SMG1: variants seen among roughly 807,000 people sequenced by gnomAD.
SMG1 encodes the protein serine/threonine-protein kinase SMG1.
A neutral mutation model predicts 419.9 loss-of-function variants in SMG1; 22 were observed. That is an observed-to-expected ratio of 0.05 (90% CI 0.04 to 0.07). The LOEUF is 0.07. SMG1 is among the 10% of genes least tolerant of loss of function. SMG1 has a pLI of 1.00. For synonymous variants in SMG1, 1,538 were observed against 1,553.5 expected (o/e 0.99, Z 0.23); for missense variants, 3,185 against 4,342.0 (o/e 0.73, Z 7.49).
chr16:18,837,550 G>T lies in SMG1; in HGVS notation c.7414-107C>A, dbSNP rs548244330. Reference sequence around the variant, plus strand: ...TCCTACTTAAATCTCTACAAAACCCGAAAGGGGTGATGCGTTGCCTCCACT... The same window carrying T: ...TCCTACTTAAATCTCTACAAAACCCTAAAGGGGTGATGCGTTGCCTCCACT... On this transcript the variant is annotated intron_variant, in intron 45 of 62. Coordinates refer to ENST00000446231, the MANE Select transcript of SMG1 (RefSeq NM_015092.5). The T allele has an allele frequency of 5.1e-4, 480 of 937,156 alleles. 2 individuals are homozygous for T. Among genetic ancestry groups the T allele is most frequent in the South Asian group, 1.2e-3 (72 of 58,604 alleles). The allele number at this position is 937,156 out of a possible 1,614,324, so 58.1% of individuals were successfully genotyped here.
chr16:18,835,688 G>A (rs1328974029), intron 48 of SMG1, among the ~76,000 whole-genome samples: 7 of 152,116 alleles, frequency 4.6e-5, no homozygotes, highest in Admixed American at 3.9e-4. Flanking sequence ...GGCAGATCAC[G>A]TGGTCAGGAG....
intron 38 of SMG1, among the ~76,000 whole-genome samples, chr16:18,846,443 C>T (rs1475994426): frequency 6.6e-6 from 1 of 152,098 alleles, no homozygotes; most frequent in East Asian, 1.9e-4. Context: ...AGACAACCCA[C>T]AGAATGGCAG....
intron 1 of SMG1, among the ~76,000 whole-genome samples, chr16:18,899,455 T>C (rs1455167909): frequency 6.6e-6 from 1 of 152,096 alleles, no homozygotes; most frequent in African/African-American, 2.4e-5. Context: ...TTAATACAAA[T>C]TGATCAAAGC....
intron 27 of SMG1, 62 bp downstream of exon 27, chr16:18,859,494 C>A (rs2035096556): frequency 1.3e-6 from 1 of 761,686 alleles, no homozygotes; most frequent in Admixed American, 2.7e-5. Flanking sequence ...CCCTCTTCAC[C>A]CCATGTATGT....
chr16:18,920,306 TG>T (rs2038146727), intron 1 of SMG1, among the ~76,000 whole-genome samples: 3 of 146,730 alleles, frequency 2.0e-5, no homozygotes, highest in Admixed American at 7.0e-5. Context: ...CGCTTGTACC[TG>T]GGAGGTGGAG....
Position 18,926,166 on chromosome 16 carries a change from A to T in SMG1, c.-125T>A, listed in dbSNP as rs972311056. ...GAGGAGGAAGCCGAGAAGGAGGAGG[A>T]GGAGGAGGAGGAGGAGAAGGAGGAG... On this transcript the variant is annotated 5_prime_UTR_variant, in exon 1 of 63. Transcript: ENST00000446231. 7 of 746,960 alleles carry T rather than the reference A, an allele frequency of 9.4e-6. No individual in the cohort carries two copies. The highest frequency in any genetic ancestry group is 3.3e-5 in the Admixed American group (1 of 30,270). The allele number at this position is 746,960 out of a possible 1,614,324, so 46.3% of individuals were successfully genotyped here.
At chr16:18,870,166 C>G (rs1191066148) in intron 18 of SMG1, among the ~76,000 whole-genome samples, 172 bp from the exon 19 acceptor site, 2 of 151,998 alleles carry the variant, frequency 1.3e-5, no homozygotes, top group Non-Finnish European at 2.9e-5. Flanking sequence ...TTTTTATTCA[C>G]CTCAGATGGG....
chr16:18,838,482 C>A lies in SMG1; in HGVS notation c.7085-16G>T, dbSNP rs780239863. 1.2e-6 allele frequency: 2 copies of A among 1,613,842 alleles called. No individual in the cohort carries two copies. The highest frequency in any genetic ancestry group is 2.2e-5 in the South Asian group (2 of 91,084). On this transcript the variant is annotated splice_polypyrimidine_tract_variant and intron_variant, in intron 43 of 62. Coordinates refer to ENST00000446231, the MANE Select transcript of SMG1 (RefSeq NM_015092.5). ...AGGCTTTTACCTTGAAAAGACAAATCATTATATTTTTGCCCTTTCACCAAA... is the reference window on the plus strand; with the variant it reads ...AGGCTTTTACCTTGAAAAGACAAATAATTATATTTTTGCCCTTTCACCAAA...
rs1280086944 is a variant in SMG1, at chr16:18,868,313, C to G, written c.3072G>C (p.Gln1024His). ...TFFYTNRQTC[Q>H]DWLTRIRLSI... Reference sequence around the variant, plus strand: ...AGAGTCGAATCCGCGTTAGCCAGTCCTGACAAGTTTGGCGATTGGTATAGA... The same window carrying G: ...AGAGTCGAATCCGCGTTAGCCAGTCGTGACAAGTTTGGCGATTGGTATAGA... The change falls in exon 22 of 63, where the codon CAG (glutamine) becomes CAC (histidine). Residue 1024 changes from glutamine (Q) to histidine (H), a missense_variant. By Grantham distance (24) the Gln-to-His change is conservative. Transcript: ENST00000446231. 1 of 1,485,208 alleles carries G rather than the reference C, an allele frequency of 6.7e-7. No individual in the cohort carries two copies. The highest frequency in any genetic ancestry group is 2.0e-5 in the Admixed American group (1 of 51,162). 92.0% of individuals were successfully genotyped at this position (1,485,208 alleles called of 1,614,324 possible).
intron 13 of SMG1, among the ~76,000 whole-genome samples, chr16:18,874,016 G>A (rs1187964077): frequency 6.6e-6 from 1 of 152,232 alleles, no homozygotes; most frequent in Admixed American, 6.5e-5. Flanking sequence ...AAGCGAAGCA[G>A]CTATGGAATT....
chr16:18,903,586 G>A (rs2037433833), intron 1 of SMG1, among the ~76,000 whole-genome samples: 1 of 152,180 alleles, frequency 6.6e-6, no homozygotes, highest in Admixed American at 6.5e-5. Context: ...CCTAACAAGA[G>A]CTAGTGGGCA....
Position 18,847,567 on chromosome 16 carries a change from A to G in SMG1, c.5882T>C (p.Leu1961Pro). The G allele has an allele frequency of 6.2e-7, 1 of 1,614,018 alleles. No individual in the cohort carries two copies. The highest frequency in any genetic ancestry group is 8.5e-7 in the Non-Finnish European group (1 of 1,179,898). Residue 1961 changes from leucine (L) to proline (P), a missense_variant, in exon 38 of 63, where the codon CTC becomes CCC. Transcript: ENST00000446231. ...LVAELRRVTVLWDELWLGVLL... is the reference protein window; with the variant it reads ...LVAELRRVTVPWDELWLGVLL... ...AACTCCCAGCCAGAGCTCATCCCAG[A>G]GCACAGTGACCCTGCGCAGTTCAGC...
chr16:18,912,197 T>G (rs557405261), intron 1 of SMG1, among the ~76,000 whole-genome samples: 8 of 151,724 alleles, frequency 5.3e-5, no homozygotes, highest in Admixed American at 2.0e-4. Flanking sequence ...ATTTTTTTTT[T>G]TTTTGAAAAA....
chr16:18,846,524 C>T (rs960721696), intron 38 of SMG1, among the ~76,000 whole-genome samples: 4 of 151,934 alleles, frequency 2.6e-5, no homozygotes, highest in Admixed American at 2.0e-4. Flanking sequence ...TACAATTCAA[C>T]AATAAAAAAA....
At position 18,887,389 on chromosome 16, in the gene SMG1, G is replaced by C. The variant is rs141551040; in HGVS notation, c.823-1723C>G. On this transcript the variant is annotated intron_variant, in intron 6 of 62. Transcript: ENST00000446231. ...TTTTGAGATAGGGTTGCCTATAATG[G>C]AGTGCAGTAGCTTGACCATAGCTCA... Among the ~76,000 whole-genome samples the C allele has an allele frequency of 2.2e-3, 337 of 151,888 alleles. 1 individual carries two copies. The highest frequency in any genetic ancestry group is 0.01 in the Middle Eastern group (3 of 294).
At chr16:18,860,882 A>G in intron 25 of SMG1, 106 bp from the exon 26 acceptor site, 2 of 547,264 alleles carry the variant, frequency 3.7e-6, no homozygotes, top group Non-Finnish European at 6.4e-6. Context: ...CAAAGTACAC[A>G]GCATTTTTCT....
chr16:18,908,596 T>C (rs571744589), intron 1 of SMG1, among the ~76,000 whole-genome samples: 1 of 151,428 alleles, frequency 6.6e-6, no homozygotes, highest in African/African-American at 2.4e-5. Context: ...AAGAAATGAA[T>C]GGGCCAGGTG....
intron 18 of SMG1, 25 bp downstream of exon 18, chr16:18,870,585 C>T: frequency 1.4e-6 from 2 of 1,428,894 alleles, no homozygotes; most frequent in Non-Finnish European, 1.9e-6. Flanking sequence ...CACAGAATGT[C>T]TTTGCTCCAA....
chr16:18,913,953 G>A (rs542760703), intron 1 of SMG1, among the ~76,000 whole-genome samples: 1 of 152,146 alleles, frequency 6.6e-6, no homozygotes, highest in Admixed American at 6.5e-5. Context: ...CATCACCTGA[G>A]GTCGGGAGAT....
Sources: allele counts gnomAD v4.1 joint callset (sites outside exome capture counted in the v4.1 genomes callset), GRCh38; gene constraint gnomAD v4.1.1; transcripts MANE v1.5; gene names NCBI Gene and HGNC (gene_info 2026-07-23, HGNC 2026-07-21).